Variants in ERI3 observed in about 807,000 individuals in gnomAD.
The protein encoded by ERI3 is ERI1 exoribonuclease family member 3.
Under a neutral mutation model 44.4 loss-of-function variants are expected in ERI3, and 18 were observed. The ratio of observed to expected loss-of-function variants is 0.41; its 90% CI spans 0.28 to 0.60. ERI3 has a LOEUF of 0.60. Ranked by LOEUF, ERI3 falls within the 20% of genes least tolerant of loss-of-function variation. ERI3 has a pLI of 0.36. For missense variants in ERI3, 294 were observed against 435.5 expected (o/e 0.68, Z 2.89); for synonymous variants, 183 against 164.8 (o/e 1.11, Z -0.84).
intron 3 of ERI3, among the ~76,000 whole-genome samples, chr1:44,327,933 G>C (rs1228636650): frequency 6.6e-6 from 1 of 152,226 alleles, no homozygotes; most frequent in Non-Finnish European, 1.5e-5. Context: ...GATCAAGACA[G>C]GACCAGGCCC....
chr1:44,314,074 C>T (rs1229993252), intron 4 of ERI3, among the ~76,000 whole-genome samples: 1 of 152,108 alleles, frequency 6.6e-6, no homozygotes, highest in Non-Finnish European at 1.5e-5. Flanking sequence ...GAAATCACCA[C>T]CCCCAGCATG....
chr1:44,226,949 A>G (rs1315779227), intron 8 of ERI3, among the ~76,000 whole-genome samples: 3 of 152,108 alleles, frequency 2.0e-5, no homozygotes, highest in African/African-American at 7.2e-5. Context: ...CAATTGTCCT[A>G]CCACCATTGA....
Position 44,235,447 on chromosome 1 carries a change from T to A in ERI3, c.931+12492A>T, listed in dbSNP as rs1347594166. On this transcript the variant is annotated intron_variant, in intron 8 of 8. Coordinates refer to ENST00000372257, the MANE Select transcript of ERI3 (RefSeq NM_024066.3). The surrounding 1 kb of genome is among the most constrained non-coding windows in gnomAD (Gnocchi z 4.6). ...CCCACAGCAGCCAATTCTCCGCCTA[T>A]CGTAACTGCCTCTCCTTCACCTCCT... Among the ~76,000 whole-genome samples, 2 of 152,086 alleles carry A rather than the reference T, an allele frequency of 1.3e-5. No individual in the cohort carries two copies.
chr1:44,342,643 T>C lies in ERI3; in HGVS notation c.212-3321A>G, dbSNP rs201975707. ...GGCAATGAGCACACCTAGCACTCCA[T>C]TGCCTTCTTGTTTTTTTTTTGAAGA... On this transcript the variant is annotated intron_variant, in intron 2 of 8. Coordinates refer to ENST00000372257, the MANE Select transcript of ERI3 (RefSeq NM_024066.3). 1.3e-4 allele frequency among the ~76,000 whole-genome samples: 19 copies of C among 148,130 alleles called. No homozygotes were observed. The East Asian group carries it at 2.6e-3, about 20-fold the overall frequency.
At chr1:44,257,315 C>G (rs1452653506) in intron 7 of ERI3, among the ~76,000 whole-genome samples, 1 of 151,986 alleles carries the variant, frequency 6.6e-6, no homozygotes, top group Non-Finnish European at 1.5e-5. Context: ...TGTACTCCCC[C>G]CAACCCACCC....
At chr1:44,271,353 T>C (rs1645083651) in intron 7 of ERI3, among the ~76,000 whole-genome samples, 1 of 152,258 alleles carries the variant, frequency 6.6e-6, no homozygotes, top group Non-Finnish European at 1.5e-5. Context: ...TTTGCCTGGA[T>C]GCACTTGCAC....
At chr1:44,354,276 G>A in intron 1 of ERI3, 2 of 985,422 alleles carry the variant, frequency 2.0e-6, no homozygotes, top group African/African-American at 1.7e-5. Flanking sequence ...ACCTCTCGCA[G>A]ACACAACGAT....
rs78154111 is a variant in ERI3, at chr1:44,347,409, T to C, written c.211+5441A>G. Among the ~76,000 whole-genome samples the C allele has an allele frequency of 2.8e-3, 429 of 152,332 alleles. 5 individuals are homozygous for C. Among genetic ancestry groups the C allele is most frequent in the African/African-American group, 9.8e-3 (409 of 41,578 alleles). On this transcript the variant is annotated intron_variant, in intron 2 of 8. Coordinates refer to ENST00000372257, the MANE Select transcript of ERI3 (RefSeq NM_024066.3). ...TCTTTCCATCTTACAGAGTGGAAACTGGCAGGAGGCAGGGTTATAACCAAT... is the reference window on the plus strand; with the variant it reads ...TCTTTCCATCTTACAGAGTGGAAACCGGCAGGAGGCAGGGTTATAACCAAT...
At chr1:44,247,894 G>C (rs1041571900) in intron 8 of ERI3, 45 bp downstream of exon 8, 6 of 1,524,080 alleles carry the variant, frequency 3.9e-6, no homozygotes, top group Non-Finnish European at 5.4e-6. Context: ...ACGCGGGCAA[G>C]GGACGATGGA....
In ERI3 at chr1:44,228,981, G is replaced by A. The variant is rs896487345; in HGVS notation, c.932-7341C>T. Among the ~76,000 whole-genome samples, 1 of 152,224 alleles carries A rather than the reference G, an allele frequency of 6.6e-6. No homozygotes were observed. Among genetic ancestry groups the A allele is most frequent in the African/African-American group, 2.4e-5 (1 of 41,442 alleles). On this transcript the variant is annotated intron_variant, in intron 8 of 8. Coordinates refer to ENST00000372257, the MANE Select transcript of ERI3 (RefSeq NM_024066.3). The surrounding 1 kb of genome is among the most constrained non-coding windows in gnomAD (Gnocchi z 4.3). Reference sequence around the variant, plus strand: ...GGACAGAAACCACGTTGGGCAGCCAGGGAGGTCCACAAGAGGAGGTGGAGG... The same window carrying A: ...GGACAGAAACCACGTTGGGCAGCCAAGGAGGTCCACAAGAGGAGGTGGAGG...
At chr1:44,316,835 G>C (rs969214472) in intron 4 of ERI3, among the ~76,000 whole-genome samples, 3 of 152,154 alleles carry the variant, frequency 2.0e-5, no homozygotes, top group African/African-American at 7.2e-5. Context: ...CCAGCTGCTA[G>C]AGATAGAGAC....
At chr1:44,324,476 C>CTTTTT (rs35475844) in intron 3 of ERI3, among the ~76,000 whole-genome samples, 43 of 90,454 alleles carry the variant, frequency 4.8e-4, no homozygotes, top group South Asian at 8.4e-4. Context: ...AACATAGACT[C>CTTTTT]TTTTTTTTTT....
In ERI3 at chr1:44,236,906, G is replaced by A. The variant is rs148081818; in HGVS notation, c.931+11033C>T. 1.9e-4 allele frequency among the ~76,000 whole-genome samples: 29 copies of A among 152,308 alleles called. No homozygotes were observed. In the East Asian group the frequency reaches 5.0e-3, roughly 26 times the overall value. On this transcript the variant is annotated intron_variant, in intron 8 of 8. Transcript: ENST00000372257. The stretch of plus-strand genomic sequence containing the variant: ...ACTACCTCTGCCAACTTGAGCAACT[G>A]GTGATTTCTTGATCTTGTGCTTGTG...
chr1:44,250,406 T>C (rs1644652271), intron 7 of ERI3, among the ~76,000 whole-genome samples: 1 of 152,178 alleles, frequency 6.6e-6, no homozygotes, highest in South Asian at 2.1e-4. Context: ...ATTAGATTAT[T>C]ATTGTAATTA....
rs145415607 is a variant in ERI3 at position 44,265,707 on chromosome 1, AGAAAT to A, written c.832-17674_832-17670del. Among the ~76,000 whole-genome samples the A allele has an allele frequency of 5.6e-3, 858 of 152,368 alleles. 5 individuals carry two copies. The highest frequency in any genetic ancestry group is 0.019 in the African/African-American group (786 of 41,580). The stretch of plus-strand genomic sequence containing the variant: ...AATGAAATATTATTTGGCAGTAAAA[AGAAAT>A]GAAGTACTAATTTATAATACAACAT... On this transcript the variant is annotated intron_variant, in intron 7 of 8. Transcript: ENST00000372257.
At chr1:44,246,791 T>C (rs1644563479) in intron 8 of ERI3, among the ~76,000 whole-genome samples, 1 of 152,216 alleles carries the variant, frequency 6.6e-6, no homozygotes, top group Non-Finnish European at 1.5e-5. Flanking sequence ...CTACTTAGCA[T>C]GCCCAGCATC....
At chr1:44,244,429 C>T (rs1644509156) in intron 8 of ERI3, among the ~76,000 whole-genome samples, 2 of 152,166 alleles carry the variant, frequency 1.3e-5, no homozygotes, top group Admixed American at 6.5e-5. Flanking sequence ...CCCTCAGTCC[C>T]CAGGGCCAAG....
chr1:44,305,662 T>C (rs963848453), intron 6 of ERI3, among the ~76,000 whole-genome samples: 6 of 152,144 alleles, frequency 3.9e-5, no homozygotes, highest in African/African-American at 1.4e-4. Flanking sequence ...TTTTCTCCAG[T>C]GGGATTTATG....
chr1:44,296,917 C>T (rs1645623119), intron 6 of ERI3, among the ~76,000 whole-genome samples: 1 of 152,138 alleles, frequency 6.6e-6, no homozygotes, highest in African/African-American at 2.4e-5. Context: ...GTGCCTCAGC[C>T]CCCACATGCA....
Sources: allele counts gnomAD v4.1 joint callset (sites outside exome capture counted in the v4.1 genomes callset), GRCh38; gene constraint gnomAD v4.1.1; non-coding constraint Gnocchi (gnomAD v3.1); transcripts MANE v1.5; gene names NCBI Gene and HGNC (gene_info 2026-07-23, HGNC 2026-07-21).